Variants in ZNF33A observed in about 807,000 individuals in gnomAD.
The protein encoded by ZNF33A is brain my041 protein.
In ZNF33A, 9 loss-of-function variants were observed where a neutral mutation model predicts 15.9. The ratio of observed to expected loss-of-function variants is 0.57; its 90% CI spans 0.34 to 0.99. The LOEUF (loss-of-function observed/expected upper bound fraction) is 0.99. Among genes scored for constraint, ZNF33A ranks in the 50% least tolerant of loss-of-function variants. ZNF33A has a pLI of 0.02. For missense variants in ZNF33A, 843 were observed against 941.6 expected (o/e 0.90, Z 1.37); for synonymous variants, 294 against 324.2 (o/e 0.91, Z 1.00).
In ZNF33A at chr10:38,057,283, T is replaced by C. The variant is rs1257522959; in HGVS notation, c.*723T>C. On this transcript the variant is annotated 3_prime_UTR_variant, in exon 5 of 5. Coordinates refer to ENST00000432900, the MANE Select transcript of ZNF33A (RefSeq NM_006954.2). Reference sequence around the variant, plus strand: ...GCCTCAAGTAGTTCCCTTTTTGTATTAATAACCACACGCTTTCTGCAACCC... The same window carrying C: ...GCCTCAAGTAGTTCCCTTTTTGTATCAATAACCACACGCTTTCTGCAACCC... The C allele has an allele frequency of 1.0e-6, 1 of 985,130 alleles. No individual in the cohort carries two copies. The highest frequency in any genetic ancestry group is 1.7e-5 in the African/African-American group (1 of 57,248). 61.0% of individuals were successfully genotyped at this position (985,130 alleles called of 1,614,324 possible). A position where few individuals can be genotyped will look rare whatever the true frequency, so the allele number is the denominator to read the frequency against.
chr10:38,024,163 C>CAAAAAAAAAAAA (rs71007682), intron 4 of ZNF33A, among the ~76,000 whole-genome samples: 158 of 93,082 alleles, frequency 1.7e-3, no homozygotes, highest in Middle Eastern at 6.8e-3. Context: ...AAAAACAAAA[C>CAAAAAAAAAAAA]AAAAAAAAAA....
At chr10:38,039,704 T>G in intron 4 of ZNF33A, 1 of 390,546 alleles carries the variant, frequency 2.6e-6, no homozygotes, top group Non-Finnish European at 4.9e-6. Flanking sequence ...GTAATTATTT[T>G]TATTTCTGTA....
At chr10:38,010,873 A>G in intron 1 of ZNF33A, 90 bp downstream of exon 1, 2 of 1,513,880 alleles carry the variant, frequency 1.3e-6, no homozygotes, top group Admixed American at 3.5e-5. Context: ...AGTGGTGGGG[A>G]GGAGGCCCGG....
intron 4 of ZNF33A, 54 bp from the exon 5 acceptor site, chr10:38,054,321 C>A: frequency 6.8e-7 from 1 of 1,459,892 alleles, no homozygotes; most frequent in Non-Finnish European, 9.0e-7. Flanking sequence ...CGATTTCATT[C>A]CCTAAGAAAT....
intron 4 of ZNF33A, among the ~76,000 whole-genome samples, chr10:38,044,856 C>T (rs779127599): frequency 2.6e-4 from 39 of 151,798 alleles, no homozygotes; most frequent in African/African-American, 7.8e-4. Context: ...TTAGTAGAGA[C>T]GGGGTTTCAC....
At chr10:38,032,740 C>T (rs370426109) in intron 4 of ZNF33A, among the ~76,000 whole-genome samples, 6 of 151,322 alleles carry the variant, frequency 4.0e-5, no homozygotes, top group East Asian at 1.9e-4. Flanking sequence ...TGTGAACCAC[C>T]GCACCTTGCC....
chr10:38,044,150 A>T, intron 4 of ZNF33A, among the ~76,000 whole-genome samples: 1 of 147,748 alleles, frequency 6.8e-6, no homozygotes. Flanking sequence ...ATCTCTATTG[A>T]TCCATCTTTA....
Position 38,057,978 on chromosome 10 carries a change from CT to C in ZNF33A, c.*1422del, listed in dbSNP as rs1450473657. The stretch of plus-strand genomic sequence containing the variant: ...GAACCAGAATCAAGCTGGTGTGGGG[CT>C]TTTATTGATAGTGTGAAGATTGTAC... On this transcript the variant is annotated 3_prime_UTR_variant, in exon 5 of 5. Coordinates refer to ENST00000432900, the MANE Select transcript of ZNF33A (RefSeq NM_006954.2). 34 of 985,248 alleles carry C rather than the reference CT, an allele frequency of 3.5e-5. No homozygotes were observed. The African/African-American group carries it at 5.1e-4, about 15-fold the overall frequency. The allele number at this position is 985,248 out of a possible 1,614,324, so 61.0% of individuals were successfully genotyped here. A position where few individuals can be genotyped will look rare whatever the true frequency, so the allele number is the denominator to read the frequency against.
chr10:38,028,615 G>A (rs1247350055), intron 4 of ZNF33A, among the ~76,000 whole-genome samples: 2 of 151,900 alleles, frequency 1.3e-5, no homozygotes, highest in Admixed American at 6.6e-5. Context: ...CTACAGGCAC[G>A]TGCCACCACA....
chr10:38,014,966 G>A (rs1277853619), intron 2 of ZNF33A, among the ~76,000 whole-genome samples: 1 of 151,612 alleles, frequency 6.6e-6, no homozygotes, highest in Non-Finnish European at 1.5e-5. Flanking sequence ...TCCACCTCCC[G>A]GGTTCAAGTG....
At chr10:38,014,888 T>C (rs530507598) in intron 2 of ZNF33A, among the ~76,000 whole-genome samples, 35 of 152,310 alleles carry the variant, frequency 2.3e-4, no homozygotes, top group Admixed American at 2.0e-3. Context: ...GAAGAATTAC[T>C]TACCTTTTTT....
At chr10:38,050,474 A>G (rs1310673149) in intron 4 of ZNF33A, among the ~76,000 whole-genome samples, 1 of 152,198 alleles carries the variant, frequency 6.6e-6, no homozygotes, top group East Asian at 1.9e-4. Flanking sequence ...GCCATCTTGA[A>G]GTTCTTCACA....
chr10:38,063,699 CTT>C (rs2066682466), downstream of ZNF33A, among the ~76,000 whole-genome samples: 1 of 152,202 alleles, frequency 6.6e-6, no homozygotes. Context: ...GATGCAAACT[CTT>C]TGTGATGAAC....
At position 38,055,590 on chromosome 10, in the gene ZNF33A, G is replaced by T; in HGVS notation, c.1466G>T (p.Arg489Ile). The T allele has an allele frequency of 1.2e-6, 2 of 1,614,084 alleles. No individual in the cohort carries two copies. Among genetic ancestry groups the T allele is most frequent in the East Asian group, 2.2e-5 (1 of 44,856 alleles). The change falls in exon 5 of 5, where the codon AGA becomes ATA. Residue 489 changes from arginine to isoleucine, a missense_variant. Coordinates refer to ENST00000432900, the MANE Select transcript of ZNF33A (RefSeq NM_006954.2). ...AAGTCAAATCTTACACAGCATCAGA[G>T]AATTCACATAGGAGATAAATCTTAT... is the stretch of plus-strand genomic sequence containing the variant. ...SEKSNLTQHQRIHIGDKSYEC... is the reference protein window; with the variant it reads ...SEKSNLTQHQIIHIGDKSYEC...
chr10:38,054,906 C>T lies in ZNF33A; in HGVS notation c.782C>T (p.Ser261Phe), dbSNP rs2066389468. ...EFGRTLCDSS[S>F]LLFHQISPSR... ...GGGAGAACTTTGTGTGATAGTTCAT[C>T]CCTCTTGTTCCATCAGATATCTCCG... The change falls in exon 5 of 5, where the codon TCC (serine) becomes TTC (phenylalanine). Residue 261 changes from serine to phenylalanine, a missense_variant. Transcript: ENST00000432900. The T allele has an allele frequency of 6.2e-7, 1 of 1,613,708 alleles. No homozygotes were observed. The highest frequency in any genetic ancestry group is 1.1e-5 in the South Asian group (1 of 91,082).
downstream of ZNF33A, among the ~76,000 whole-genome samples, chr10:38,067,327 A>G (rs2066717374): frequency 6.6e-6 from 1 of 152,218 alleles, no homozygotes; most frequent in Admixed American, 6.5e-5. Context: ...GAAATGAAAC[A>G]AAAATACAAG....
downstream of ZNF33A, among the ~76,000 whole-genome samples, chr10:38,061,058 G>C (rs1445441735): frequency 6.6e-6 from 1 of 152,114 alleles, no homozygotes; most frequent in East Asian, 1.9e-4. Context: ...ATCAGCATTT[G>C]AGCCCCACTT....
rs61278605 is a variant in ZNF33A at position 38,047,190 on chromosome 10, CAAA to C, written c.251-7164_251-7162del. Among the ~76,000 whole-genome samples, 519 of 64,036 alleles carry C rather than the reference CAAA, an allele frequency of 8.1e-3. 1 individual carries two copies. The highest frequency in any genetic ancestry group is 0.025 in the African/African-American group (343 of 13,632). 42.0% of individuals were successfully genotyped at this position (64,036 alleles called of 152,430 possible). Reference sequence around the variant, plus strand: ...TGAGACCGTCTCCCCCCACCCCTGCCAAAAAAAAAAAAAAAAAAAAAAAGAATA... The same window carrying C: ...TGAGACCGTCTCCCCCCACCCCTGCCAAAAAAAAAAAAAAAAAAAAGAATA... On this transcript the variant is annotated intron_variant, in intron 4 of 4. Transcript: ENST00000432900.
At chr10:38,021,965 C>A (rs71491227) in intron 4 of ZNF33A, among the ~76,000 whole-genome samples, 1,891 of 152,208 alleles carry the variant, frequency 0.012, 27 homozygotes, top group Middle Eastern at 0.048. Flanking sequence ...CATACCGTAT[C>A]AATATATGTG....
Sources: allele counts gnomAD v4.1 joint callset (sites outside exome capture counted in the v4.1 genomes callset), GRCh38; gene constraint gnomAD v4.1.1; transcripts MANE v1.5; gene names NCBI Gene and HGNC (gene_info 2026-07-23, HGNC 2026-07-21).